Variants in NSUN6 observed in about 807,000 individuals in gnomAD.
NSUN6 encodes the protein tRNA (cytosine(72)-C(5))-methyltransferase NSUN6.
NSUN6 carries 64 observed loss-of-function variants against 58.0 expected under a neutral mutation model. The ratio of observed to expected loss-of-function variants is 1.10; its 90% confidence interval spans 0.90 to 1.36. NSUN6 has a LOEUF of 1.36. Among genes scored for constraint, NSUN6 ranks in the 40% most tolerant of loss-of-function variants. NSUN6 has a pLI of 0.00. For missense variants in NSUN6, 701 were observed against 550.1 expected (o/e 1.27, Z -2.74); for synonymous variants, 231 against 193.9 (o/e 1.19, Z -1.59).
At chr10:18,595,046 G>C (rs867789814) in intron 7 of NSUN6, among the ~76,000 whole-genome samples, 5 of 152,120 alleles carry the variant, frequency 3.3e-5, no homozygotes, top group Non-Finnish European at 7.3e-5. Flanking sequence ...CTTACACATC[G>C]GCCAGAGGCA....
intron 8 of NSUN6, among the ~76,000 whole-genome samples, chr10:18,585,295 A>G (rs553022151): frequency 1.3e-5 from 2 of 152,342 alleles, no homozygotes; most frequent in Non-Finnish European, 1.5e-5. Context: ...CAAATTACCC[A>G]GCAATCCTAC....
At chr10:18,560,013 G>C (rs1409107646) in intron 8 of NSUN6, among the ~76,000 whole-genome samples, 2 of 150,008 alleles carry the variant, frequency 1.3e-5, no homozygotes, top group Non-Finnish European at 3.0e-5. Flanking sequence ...ATGCAATGGA[G>C]AATGGAATGG....
chr10:18,580,278 C>T (rs1031108181), intron 8 of NSUN6, among the ~76,000 whole-genome samples: 6 of 152,170 alleles, frequency 3.9e-5, no homozygotes, highest in Non-Finnish European at 8.8e-5. Context: ...TGTGCCATGA[C>T]CCGCTCTTTT....
chr10:18,571,262 C>T (rs986831708), intron 8 of NSUN6, among the ~76,000 whole-genome samples: 43 of 150,810 alleles, frequency 2.9e-4, no homozygotes, highest in African/African-American at 1.0e-3. Context: ...ATTCTCCTTT[C>T]CATTCCCTTC....
intron 3 of NSUN6, among the ~76,000 whole-genome samples, chr10:18,640,621 T>C (rs1018791584): frequency 6.6e-6 from 1 of 152,142 alleles, no homozygotes; most frequent in Non-Finnish European, 1.5e-5. Flanking sequence ...GGTAGCTGAG[T>C]ACAAGAGATG....
chr10:18,632,003 T>A (rs2059047629), intron 3 of NSUN6, among the ~76,000 whole-genome samples: 1 of 151,968 alleles, frequency 6.6e-6, no homozygotes, highest in South Asian at 2.1e-4. Context: ...GACTTCAAAC[T>A]ATACTACAAG....
chr10:18,575,154 A>G (rs1260304559), intron 8 of NSUN6, among the ~76,000 whole-genome samples: 1 of 152,296 alleles, frequency 6.6e-6, no homozygotes, highest in Middle Eastern at 3.4e-3. Context: ...CAAGGGACCA[A>G]TTGGGGGCCC....
chr10:18,602,462 C>T (rs1481413449), intron 6 of NSUN6, among the ~76,000 whole-genome samples: 1 of 152,088 alleles, frequency 6.6e-6, no homozygotes. Context: ...TCTCGATCTC[C>T]TGAACTCGTG....
chr10:18,656,402 T>C (rs1357353183), upstream of NSUN6, among the ~76,000 whole-genome samples: 1 of 152,204 alleles, frequency 6.6e-6, no homozygotes, highest in Non-Finnish European at 1.5e-5. Flanking sequence ...CTGGGCATGG[T>C]GGTGCATGCC....
rs542985197 is a variant in NSUN6, at chr10:18,638,128, AG to A, written c.311+4347del. ...TAAATAAAACTAAAGAATAAAGAAG[AG>A]GTGTTTAACATAATAAGAAATGGCA... On this transcript the variant is annotated intron_variant, in intron 3 of 10. Coordinates refer to ENST00000377304, the MANE Select transcript of NSUN6 (RefSeq NM_182543.5). 4.7e-3 allele frequency among the ~76,000 whole-genome samples: 721 copies of A among 152,316 alleles called. 3 individuals are homozygous for A. The highest frequency in any genetic ancestry group is 0.014 in the African/African-American group (599 of 41,572).
chr10:18,611,739 TG>T, intron 5 of NSUN6, among the ~76,000 whole-genome samples: 1 of 151,780 alleles, frequency 6.6e-6, no homozygotes, highest in African/African-American at 2.4e-5. Context: ...TGTGTGTGTG[TG>T]TGTGTGTGTC....
intron 5 of NSUN6, among the ~76,000 whole-genome samples, chr10:18,610,602 AACCTTTTCCACCT>A (rs2058198661): frequency 6.6e-6 from 1 of 152,204 alleles, no homozygotes; most frequent in Admixed American, 6.5e-5. Flanking sequence ...TCCCAAGGAT[AACCTTTTCCACCT>A]TTGTCCCATT....
At chr10:18,651,734 C>T (rs907799963), upstream of NSUN6, 9 of 985,500 alleles carry the variant, frequency 9.1e-6, no homozygotes, top group Non-Finnish European at 9.6e-6. Flanking sequence ...TACGCCACGC[C>T]CCCGGAGGTT....
chr10:18,635,308 G>C (rs145555353), intron 3 of NSUN6, among the ~76,000 whole-genome samples: 1 of 152,250 alleles, frequency 6.6e-6, no homozygotes, highest in South Asian at 2.1e-4. Context: ...ATGCTTTCAT[G>C]TAATAAACCT....
intron 8 of NSUN6, among the ~76,000 whole-genome samples, chr10:18,569,873 C>CTCCAT (rs1314563212): frequency 6.6e-6 from 1 of 150,398 alleles, no homozygotes; most frequent in Admixed American, 6.7e-5. Flanking sequence ...CCATTCCATT[C>CTCCAT]TCCATTCCAT....
chr10:18,572,744 T>A (rs1404003975), intron 8 of NSUN6, among the ~76,000 whole-genome samples: 1 of 149,740 alleles, frequency 6.7e-6, no homozygotes, highest in African/African-American at 2.5e-5. Flanking sequence ...CTCCTTTCAA[T>A]TTCATTCTCC....
intron 8 of NSUN6, among the ~76,000 whole-genome samples, chr10:18,567,862 A>G (rs2056080185): frequency 2.0e-5 from 3 of 147,032 alleles, no homozygotes; most frequent in Admixed American, 2.0e-4. Context: ...TTTCCATTCT[A>G]TTCCATTCTC....
intron 7 of NSUN6, among the ~76,000 whole-genome samples, chr10:18,589,597 G>A (rs570109091): frequency 2.4e-4 from 37 of 152,234 alleles, no homozygotes; most frequent in African/African-American, 8.7e-4. Flanking sequence ...GAATGGGGGT[G>A]AATATTCAAC....
At chr10:18,633,409 A>ACAG (rs2059107054) in intron 3 of NSUN6, among the ~76,000 whole-genome samples, 1 of 95,086 alleles carries the variant, frequency 1.1e-5, no homozygotes, top group African/African-American at 4.3e-5. Flanking sequence ...AACTTAAAGT[A>ACAG]TAATAATAAT....
Sources: allele counts gnomAD v4.1 joint callset (sites outside exome capture counted in the v4.1 genomes callset), GRCh38; gene constraint gnomAD v4.1.1; transcripts MANE v1.5; gene names NCBI Gene and HGNC (gene_info 2026-07-23, HGNC 2026-07-21).